The following NAALADL2 variants were observed in gnomAD, a reference collection of about 807,000 sequenced individuals.
NAALADL2 encodes N-acetylated alpha-linked acidic dipeptidase like 2, also known as inactive N-acetylated-alpha-linked acidic dipeptidase-like protein 2.
NAALADL2 carries 76 observed loss-of-function variants against 87.2 expected under a neutral mutation model. The observed-to-expected ratio is 0.87, with a 90% CI of 0.72 to 1.05. NAALADL2 has a LOEUF of 1.05. Among genes scored for constraint, NAALADL2 ranks in the 50% least tolerant of loss-of-function variants. The probability of loss-of-function intolerance (pLI) is 0.00; values close to 1 mark genes in which losing one functional copy is unlikely to be tolerated. For missense variants in NAALADL2, 1,089 were observed against 945.8 expected (o/e 1.15, Z -1.99); for synonymous variants, 354 against 331.0 (o/e 1.07, Z -0.75).
intron 2 of NAALADL2, among the ~76,000 whole-genome samples, chr3:174,618,050 A>G (rs1720641536): frequency 6.6e-6 from 1 of 151,768 alleles, no homozygotes; most frequent in Admixed American, 6.6e-5. Context: ...TCTTGACAGC[A>G]TTAAAACCAG....
chr3:174,901,854 A>G (rs1732348821), intron 1 of NAALADL2, among the ~76,000 whole-genome samples: 1 of 152,234 alleles, frequency 6.6e-6, no homozygotes, highest in Non-Finnish European at 1.5e-5. Flanking sequence ...ACATATATGC[A>G]TGGGCTTTAT....
chr3:174,654,897 G>A (rs536383509), intron 2 of NAALADL2, among the ~76,000 whole-genome samples: 26 of 151,982 alleles, frequency 1.7e-4, no homozygotes, highest in Admixed American at 4.6e-4. Flanking sequence ...CACCATGCCC[G>A]CCTAATTTTT....
intron 1 of NAALADL2, among the ~76,000 whole-genome samples, chr3:174,931,885 G>T (rs1736945726): frequency 6.6e-6 from 1 of 152,142 alleles, no homozygotes; most frequent in African/African-American, 2.4e-5. Context: ...ATGATGGCTT[G>T]GTATCTGTTT....
intron 2 of NAALADL2, among the ~76,000 whole-genome samples, chr3:174,584,280 C>G (rs951291145): frequency 8.6e-5 from 13 of 152,026 alleles, no homozygotes; most frequent in African/African-American, 3.1e-4. Context: ...GAAACAAAAG[C>G]AAGTAATCAG....
intron 2 of NAALADL2, among the ~76,000 whole-genome samples, chr3:174,649,841 A>T (rs544973204): frequency 6.6e-6 from 1 of 152,292 alleles, no homozygotes; most frequent in Non-Finnish European, 1.5e-5. Flanking sequence ...TTTTGGTAAT[A>T]AATAGTACAT....
intron 4 of NAALADL2, among the ~76,000 whole-genome samples, chr3:175,303,467 A>C (rs1757330650): frequency 6.6e-6 from 1 of 152,134 alleles, no homozygotes; most frequent in Non-Finnish European, 1.5e-5. Flanking sequence ...CCACCAAAAA[A>C]AAATTTCCCA....
chr3:175,753,217 C>T (rs553620795), intron 12 of NAALADL2, among the ~76,000 whole-genome samples: 1 of 152,182 alleles, frequency 6.6e-6, no homozygotes, highest in African/African-American at 2.4e-5. Flanking sequence ...TACATATTAG[C>T]CTCAAGCATT....
chr3:175,262,828 A>G (rs1005327185), intron 4 of NAALADL2, among the ~76,000 whole-genome samples: 1 of 151,948 alleles, frequency 6.6e-6, no homozygotes, highest in Admixed American at 6.6e-5. Flanking sequence ...ATGTTTTTAC[A>G]TATGATCTGT....
intron 6 of NAALADL2, among the ~76,000 whole-genome samples, chr3:175,461,015 T>C (rs1723040484): frequency 6.6e-6 from 1 of 152,170 alleles, no homozygotes; most frequent in African/African-American, 2.4e-5. Flanking sequence ...GATTGGTCCA[T>C]TTTACAGAGT....
In NAALADL2 at chr3:175,234,016, G is replaced by A. The variant is rs779088883; in HGVS notation, c.631G>A (p.Asp211Asn). 2.1e-5 allele frequency: 34 copies of A among 1,613,624 alleles called. No individual in the cohort carries two copies. In the East Asian group the frequency reaches 7.6e-4, roughly 36 times the overall value. ...KTQWTSLGLE[D>N]VQFVNYSVLL... ...TCAGTGGACCTCTTTGGGCCTAGAAGATGTACAGTTTGTAAATTACTCTGT... is the reference window on the plus strand; with the variant it reads ...TCAGTGGACCTCTTTGGGCCTAGAAAATGTACAGTTTGTAAATTACTCTGT... Residue 211 changes from aspartate to asparagine, a missense_variant, in exon 3 of 14, where the codon GAT (aspartate) becomes AAT (asparagine). Transcript: ENST00000454872.
intron 1 of NAALADL2, among the ~76,000 whole-genome samples, chr3:174,454,316 A>T (rs922713580): frequency 6.6e-6 from 1 of 152,150 alleles, no homozygotes; most frequent in East Asian, 1.9e-4. Flanking sequence ...TCTCACTCAC[A>T]GTATTATATA....
intron 9 of NAALADL2, among the ~76,000 whole-genome samples, chr3:175,559,619 A>G (rs1408493159): frequency 1.3e-5 from 2 of 152,112 alleles, no homozygotes; most frequent in African/African-American, 2.4e-5. Context: ...GTTTTTCTAT[A>G]CCAAGTTTTT....
intron 2 of NAALADL2, among the ~76,000 whole-genome samples, chr3:174,729,590 C>T (rs2108977867): frequency 6.6e-6 from 1 of 152,046 alleles, no homozygotes; most frequent in East Asian, 1.9e-4. Flanking sequence ...ATACATCATG[C>T]TAGGACATTG....
intron 4 of NAALADL2, among the ~76,000 whole-genome samples, chr3:175,310,696 AT>A (rs992645172): frequency 1.3e-5 from 2 of 151,910 alleles, no homozygotes; most frequent in African/African-American, 4.8e-5. Flanking sequence ...TGAAAAAAAA[AT>A]CTATAATCCC....
At chr3:175,257,651 A>T (rs897317090) in intron 4 of NAALADL2, among the ~76,000 whole-genome samples, 1 of 152,188 alleles carries the variant, frequency 6.6e-6, no homozygotes, top group Non-Finnish European at 1.5e-5. Flanking sequence ...AAATATTAGA[A>T]ATGATATATA....
At chr3:175,423,193 A>G (rs1716110708) in intron 5 of NAALADL2, among the ~76,000 whole-genome samples, 3 of 148,100 alleles carry the variant, frequency 2.0e-5, no homozygotes, top group Non-Finnish European at 3.0e-5. Flanking sequence ...CTTTTTTTGC[A>G]CAAAGAAGAA....
intron 1 of NAALADL2, among the ~76,000 whole-genome samples, chr3:175,029,023 C>T (rs116355670): frequency 0.085 from 12,112 of 142,920 alleles, 552 homozygotes; most frequent in Middle Eastern, 0.15. Flanking sequence ...TGAAAAATTA[C>T]ATATATGTAA....
intron 4 of NAALADL2, among the ~76,000 whole-genome samples, chr3:175,304,681 G>A (rs559306823): frequency 9.1e-4 from 138 of 152,172 alleles, no homozygotes; most frequent in African/African-American, 3.2e-3. Flanking sequence ...TTGAGTCTAG[G>A]GACATGGTCA....
In NAALADL2 at chr3:175,096,903, G is replaced by C. The variant is rs1263884333; in HGVS notation, c.157G>C (p.Glu53Gln). 7 of 1,613,466 alleles carry C rather than the reference G, an allele frequency of 4.3e-6. No homozygotes were observed. The South Asian group carries it at 6.6e-5, about 15-fold the overall frequency. The change falls in exon 2 of 14, where the codon GAG becomes CAG. Residue 53 changes from glutamate to glutamine, a missense_variant. Glu to Gln is a conservative substitution (Grantham distance 29). Coordinates refer to ENST00000454872, the MANE Select transcript of NAALADL2 (RefSeq NM_207015.3). ...ATALDLEWDM[E>Q]KELEESGFDQ... is the part of the protein sequence containing the mutation. Reference sequence around the variant, plus strand: ...TGCCCTTGACTTAGAGTGGGACATGGAGAAGGAACTAGAGGAGTCTGGTTT... The same window carrying C: ...TGCCCTTGACTTAGAGTGGGACATGCAGAAGGAACTAGAGGAGTCTGGTTT...
Sources: allele counts gnomAD v4.1 joint callset (sites outside exome capture counted in the v4.1 genomes callset), GRCh38; gene constraint gnomAD v4.1.1; transcripts MANE v1.5; gene names NCBI Gene and HGNC (gene_info 2026-07-23, HGNC 2026-07-21).